The following KIF6 variants were observed in gnomAD, a reference collection of about 807,000 sequenced individuals.
KIF6 encodes kinesin family member 6.
In KIF6, 106 loss-of-function variants were observed where a neutral mutation model predicts 112.7. That is an observed-to-expected ratio of 0.94 (90% CI 0.80 to 1.11). KIF6 has a LOEUF of 1.11. Among genes scored for constraint, KIF6 ranks in the 50% least tolerant of loss-of-function variants. The pLI, the probability that KIF6 is intolerant of heterozygous loss-of-function variation, is 0.00. For missense variants in KIF6, 929 were observed against 964.0 expected (o/e 0.96, Z 0.48); for synonymous variants, 339 against 339.9 (o/e 1.00, Z 0.03).
chr6:39,478,520 G>T (rs894345165), intron 13 of KIF6, among the ~76,000 whole-genome samples: 3 of 152,024 alleles, frequency 2.0e-5, no homozygotes, highest in African/African-American at 7.2e-5. Context: ...TATCTTTTTT[G>T]TATAATGACT....
intron 10 of KIF6, among the ~76,000 whole-genome samples, chr6:39,558,225 C>A (rs752628810): frequency 6.6e-6 from 1 of 152,082 alleles, no homozygotes; most frequent in Non-Finnish European, 1.5e-5. Flanking sequence ...TGCTTCCAGA[C>A]GGGTTTGATT....
rs1269715326 is a variant in KIF6 at position 39,366,892 on chromosome 6, A to ATTT, written c.1862-4377_1862-4375dup. Among the ~76,000 whole-genome samples, 665 of 143,022 alleles carry ATTT rather than the reference A, an allele frequency of 4.6e-3. 3 individuals are homozygous for ATTT. Among genetic ancestry groups the ATTT allele is most frequent in the African/African-American group, 0.016 (611 of 38,950 alleles). 93.8% of individuals were successfully genotyped at this position (143,022 alleles called of 152,430 possible). On this transcript the variant is annotated intron_variant, in intron 16 of 22. Coordinates refer to ENST00000287152, the MANE Select transcript of KIF6 (RefSeq NM_145027.6). Reference sequence around the variant, plus strand: ...TATTCCTTTGAAAGCTAAGTTGAGCATTTTTTTTTTTTTTGCTGATCAAGA... The same window carrying ATTT: ...TATTCCTTTGAAAGCTAAGTTGAGCATTTTTTTTTTTTTTTTTGCTGATCAAGA...
intron 22 of KIF6, among the ~76,000 whole-genome samples, chr6:39,341,696 C>T (rs1320697665): frequency 6.6e-6 from 1 of 152,190 alleles, no homozygotes; most frequent in Non-Finnish European, 1.5e-5. Context: ...CCCTCCAGCT[C>T]CTTGCCTCTG....
intron 13 of KIF6, among the ~76,000 whole-genome samples, chr6:39,495,493 C>T (rs1157195062): frequency 6.6e-6 from 1 of 152,172 alleles, no homozygotes; most frequent in East Asian, 1.9e-4. Flanking sequence ...TGTGGTCCCT[C>T]TTTCCCCAGG....
intron 13 of KIF6, among the ~76,000 whole-genome samples, chr6:39,495,833 G>T (rs375506374): frequency 6.6e-6 from 1 of 152,170 alleles, no homozygotes; most frequent in African/African-American, 2.4e-5. Context: ...GCTTCCGGAT[G>T]GGGGAGGGGA....
intron 16 of KIF6, among the ~76,000 whole-genome samples, chr6:39,381,207 A>T (rs1250471427): frequency 6.6e-6 from 1 of 152,176 alleles, no homozygotes; most frequent in African/African-American, 2.4e-5. Context: ...AACTCTCCTG[A>T]TCCAACTTGC....
rs140261890 is a variant in KIF6 at position 39,563,026 on chromosome 6, A to C, written c.1181+15030T>G. ...GAGGGCAAGGTGGGCAGGTCACTTGAGGTCAGGAGTTCGAGACCAGCCTGG... is the reference window on the plus strand; with the variant it reads ...GAGGGCAAGGTGGGCAGGTCACTTGCGGTCAGGAGTTCGAGACCAGCCTGG... On this transcript the variant is annotated intron_variant, in intron 10 of 22. Coordinates refer to ENST00000287152, the MANE Select transcript of KIF6 (RefSeq NM_145027.6). Among the ~76,000 whole-genome samples, 262 of 152,266 alleles carry C rather than the reference A, an allele frequency of 1.7e-3. 3 individuals are homozygous for C. Among genetic ancestry groups the C allele is most frequent in the African/African-American group, 5.9e-3 (247 of 41,536 alleles).
At chr6:39,467,755 T>C (rs1052720078) in intron 13 of KIF6, among the ~76,000 whole-genome samples, 3 of 152,142 alleles carry the variant, frequency 2.0e-5, no homozygotes, top group Non-Finnish European at 2.9e-5. Flanking sequence ...TTATGATAAA[T>C]GCAAAGAAAG....
chr6:39,516,645 T>C (rs1777102028), intron 13 of KIF6, among the ~76,000 whole-genome samples: 2 of 152,196 alleles, frequency 1.3e-5, no homozygotes, highest in Non-Finnish European at 2.9e-5. Context: ...AAAGTTTTAA[T>C]TTTTTTAAAA....
intron 5 of KIF6, among the ~76,000 whole-genome samples, chr6:39,632,992 A>T (rs1044840859): frequency 6.6e-6 from 1 of 151,898 alleles, no homozygotes. Flanking sequence ...TTTCCATTAG[A>T]AAGTTTGATT....
At chr6:39,574,905 T>G (rs543725793) in intron 10 of KIF6, among the ~76,000 whole-genome samples, 18 of 152,234 alleles carry the variant, frequency 1.2e-4, no homozygotes, top group African/African-American at 2.2e-4. Context: ...TGCCCCTCGG[T>G]TTTTTCATTC....
At chr6:39,377,349 T>TCCCCCCCCCCCC (rs1766520155) in intron 16 of KIF6, among the ~76,000 whole-genome samples, 3 of 139,498 alleles carry the variant, frequency 2.2e-5, no homozygotes, top group Admixed American at 7.4e-5. Context: ...GTGCCTGCCC[T>TCCCCCCCCCCCC]GCCGTCCCCC....
At chr6:39,387,755 G>T (rs1467241021) in intron 15 of KIF6, among the ~76,000 whole-genome samples, 1 of 152,164 alleles carries the variant, frequency 6.6e-6, no homozygotes, top group African/African-American at 2.4e-5. Context: ...GGGACATAAG[G>T]CTGCTGCTGG....
chr6:39,525,808 GATAAATAAATAAATAA>G (rs55659921), intron 13 of KIF6, among the ~76,000 whole-genome samples: 30 of 147,646 alleles, frequency 2.0e-4, no homozygotes, highest in African/African-American at 4.0e-4. Context: ...TAACTAAATA[GATAAATAAATAAATAA>G]ATAAATAAAT....
intron 18 of KIF6, among the ~76,000 whole-genome samples, chr6:39,358,262 G>A (rs953478605): frequency 6.6e-6 from 1 of 152,240 alleles, no homozygotes. Flanking sequence ...CCTCCCAGAA[G>A]GCTATCCTAG....
chr6:39,692,562 C>A (rs1788279986), intron 3 of KIF6, among the ~76,000 whole-genome samples: 1 of 152,168 alleles, frequency 6.6e-6, no homozygotes, highest in Admixed American at 6.5e-5. Flanking sequence ...GTTGCTGGTA[C>A]TTCTAATCTT....
Position 39,373,685 on chromosome 6 carries a change from G to A in KIF6, c.1862-11167C>T, listed in dbSNP as rs149206025. ...ATTGGGTGTAAATTTAACTAAGGAGGTATAATTGAAAACTATAAAACACTG... is the reference window on the plus strand; with the variant it reads ...ATTGGGTGTAAATTTAACTAAGGAGATATAATTGAAAACTATAAAACACTG... On this transcript the variant is annotated intron_variant, in intron 16 of 22. Coordinates refer to ENST00000287152, the MANE Select transcript of KIF6 (RefSeq NM_145027.6). Among the ~76,000 whole-genome samples, 699 of 151,966 alleles carry A rather than the reference G, an allele frequency of 4.6e-3. 3 individuals carry two copies. The highest frequency in any genetic ancestry group is 0.016 in the African/African-American group (643 of 41,428).
intron 2 of KIF6, chr6:39,718,445 A>G (rs1789995352): frequency 6.6e-6 from 1 of 152,054 alleles, no homozygotes; most frequent in African/African-American, 2.4e-5. Flanking sequence ...CGTCCTCTTC[A>G]GAAAAAGCAA....
At chr6:39,345,995 CTG>C (rs562838949) in intron 20 of KIF6, among the ~76,000 whole-genome samples, 3,876 of 145,752 alleles carry the variant, frequency 0.027, 169 homozygotes, top group African/African-American at 0.091. Flanking sequence ...GGTAGGGCCC[CTG>C]CACTGGGATT....
Sources: gnomAD v4.1 joint callset for allele counts (sites outside exome capture counted in the v4.1 genomes callset) on GRCh38, gnomAD v4.1.1 for gene constraint, MANE v1.5 for transcripts, NCBI Gene and HGNC (gene_info 2026-07-23, HGNC 2026-07-21) for gene names.